Variants in THSD7A observed in about 807,000 individuals in gnomAD.
The protein encoded by THSD7A is thrombospondin type 1 domain containing 7A, also known as thrombospondin type-1 domain-containing protein 7A.
THSD7A carries 96 observed loss-of-function variants against 231.3 expected under a neutral mutation model. The observed-to-expected ratio is 0.41, with a 90% confidence interval of 0.35 to 0.49. The LOEUF (loss-of-function observed/expected upper bound fraction) is 0.49, where lower values mean the gene tolerates loss of function less well. Among genes scored for constraint, THSD7A ranks in the 20% least tolerant of loss-of-function variants. The pLI is 0.05. For missense variants in THSD7A, 2,290 were observed against 2,070.2 expected (o/e 1.11, Z -2.06); for synonymous variants, 940 against 743.3 (o/e 1.26, Z -4.30).
intron 1 of THSD7A, among the ~76,000 whole-genome samples, chr7:11,764,853 T>G (rs1782983765): frequency 6.6e-6 from 1 of 152,122 alleles, no homozygotes. Flanking sequence ...GTGAATTTTA[T>G]AATTCATTAA....
chr7:11,674,186 C>T (rs926520525), intron 1 of THSD7A, among the ~76,000 whole-genome samples: 3 of 151,954 alleles, frequency 2.0e-5, no homozygotes, highest in African/African-American at 7.2e-5. Context: ...AGCCTGGGTA[C>T]AGCTCTAGTC....
At chr7:11,721,042 T>A (rs1191077029) in intron 1 of THSD7A, among the ~76,000 whole-genome samples, 2 of 151,870 alleles carry the variant, frequency 1.3e-5, no homozygotes, top group Non-Finnish European at 2.9e-5. Flanking sequence ...ATTACACATA[T>A]GCCTCTCAGG....
At chr7:11,582,440 TTCA>T in intron 4 of THSD7A, among the ~76,000 whole-genome samples, 1 of 152,232 alleles carries the variant, frequency 6.6e-6, no homozygotes, top group African/African-American at 2.4e-5. Flanking sequence ...ATTATTTTTG[TTCA>T]TCAACTAAAT....
chr7:11,693,885 A>T (rs748272097), intron 1 of THSD7A, among the ~76,000 whole-genome samples: 2 of 151,624 alleles, frequency 1.3e-5, no homozygotes, highest in Non-Finnish European at 3.0e-5. Context: ...ACTAATTAGG[A>T]TATCTCTATT....
At chr7:11,508,399 G>A (rs1787648861) in intron 6 of THSD7A, among the ~76,000 whole-genome samples, 1 of 151,868 alleles carries the variant, frequency 6.6e-6, no homozygotes, top group African/African-American at 2.4e-5. Flanking sequence ...GAACAGCTAT[G>A]ATCAAAGGCA....
intron 5 of THSD7A, among the ~76,000 whole-genome samples, chr7:11,542,515 T>G (rs1480084395): frequency 6.6e-6 from 1 of 152,232 alleles, no homozygotes; most frequent in Non-Finnish European, 1.5e-5. Context: ...TATTGGGCAC[T>G]AGGTATGGGT....
intron 6 of THSD7A, among the ~76,000 whole-genome samples, chr7:11,524,155 T>G (rs1360258265): frequency 1.3e-5 from 2 of 152,176 alleles, no homozygotes; most frequent in Non-Finnish European, 2.9e-5. Flanking sequence ...CCACCTGTAT[T>G]TCTTCTTACA....
chr7:11,825,301 G>C (rs1321578759), intron 1 of THSD7A, among the ~76,000 whole-genome samples: 2 of 152,080 alleles, frequency 1.3e-5, no homozygotes, highest in African/African-American at 4.8e-5. Flanking sequence ...GTTCTAAGGT[G>C]AAAAACAGAG....
At chr7:11,542,840 A>T in intron 5 of THSD7A, 122 bp downstream of exon 5, 2 of 1,083,470 alleles carry the variant, frequency 1.8e-6, no homozygotes, top group Non-Finnish European at 2.6e-6. Flanking sequence ...TTTTGAAATT[A>T]ATAGTCTTTA....
rs567868959 is a variant in THSD7A at position 11,546,194 on chromosome 7, G to A, written c.1454-3077C>T. ...GTTGCTGCTCTGTTGTTGCTGGTGT[G>A]GGCGCGCGCTCACACACACACACAC... On this transcript the variant is annotated intron_variant, in intron 4 of 27. Coordinates refer to ENST00000423059, the MANE Select transcript of THSD7A (RefSeq NM_015204.3). Among the ~76,000 whole-genome samples, 29 of 61,266 alleles carry A rather than the reference G, an allele frequency of 4.7e-4. 1 individual carries two copies. In the East Asian group the frequency reaches 6.6e-3, roughly 14 times the overall value. The allele number at this position is 61,266 out of a possible 152,430, so 40.2% of individuals were successfully genotyped here. A position where few individuals can be genotyped will look rare whatever the true frequency, so the allele number is the denominator to read the frequency against.
At chr7:11,469,732 G>A (rs1471267764) in intron 9 of THSD7A, 147 bp downstream of exon 9, 1 of 555,978 alleles carries the variant, frequency 1.8e-6, no homozygotes, top group East Asian at 3.1e-5. Flanking sequence ...ATTTCCTAGA[G>A]GGAAACTAAC....
intron 15 of THSD7A, 90 bp downstream of exon 15, chr7:11,426,576 C>T: frequency 7.4e-7 from 1 of 1,344,598 alleles, no homozygotes; most frequent in East Asian, 2.6e-5. Flanking sequence ...ACATAAAAGA[C>T]AAAGCAAGAA....
chr7:11,469,158 G>A (rs989456416), intron 9 of THSD7A, among the ~76,000 whole-genome samples: 7 of 152,100 alleles, frequency 4.6e-5, no homozygotes, highest in African/African-American at 1.7e-4. Flanking sequence ...TATTTGTTGA[G>A]TAAGATAAGA....
intron 14 of THSD7A, among the ~76,000 whole-genome samples, chr7:11,428,064 T>G (rs1403683359): frequency 6.6e-6 from 1 of 152,164 alleles, no homozygotes; most frequent in African/African-American, 2.4e-5. Flanking sequence ...GTTATGTTAA[T>G]CTGGGAAGGA....
chr7:11,531,532 T>C (rs1202273262), intron 6 of THSD7A, among the ~76,000 whole-genome samples: 1 of 152,184 alleles, frequency 6.6e-6, no homozygotes, highest in Non-Finnish European at 1.5e-5. Flanking sequence ...AGTCCAAGCA[T>C]TTTCTACCTC....
At chr7:11,394,202 G>A (rs1172171216) in intron 23 of THSD7A, among the ~76,000 whole-genome samples, 1 of 152,202 alleles carries the variant, frequency 6.6e-6, no homozygotes, top group Non-Finnish European at 1.5e-5. Flanking sequence ...AAGAGATTGG[G>A]ATCCAATATT....
At chr7:11,690,719 C>G (rs1780206892) in intron 1 of THSD7A, among the ~76,000 whole-genome samples, 1 of 151,706 alleles carries the variant, frequency 6.6e-6, no homozygotes, top group Admixed American at 6.6e-5. Context: ...CGAATTTCCT[C>G]CTTGAGAAAA....
intron 6 of THSD7A, among the ~76,000 whole-genome samples, chr7:11,522,653 C>T (rs1249791764): frequency 1.3e-5 from 2 of 151,918 alleles, no homozygotes; most frequent in East Asian, 1.9e-4. Flanking sequence ...CAGTTTAATG[C>T]TAATTATTGA....
intron 1 of THSD7A, among the ~76,000 whole-genome samples, chr7:11,650,019 T>C (rs1562442480): frequency 6.6e-6 from 1 of 152,094 alleles, no homozygotes; most frequent in African/African-American, 2.4e-5. Context: ...TACTGCTGTA[T>C]ATTCGCTATT....
Sources: gnomAD v4.1 joint callset for allele counts (sites outside exome capture counted in the v4.1 genomes callset) on GRCh38, gnomAD v4.1.1 for gene constraint, MANE v1.5 for transcripts, NCBI Gene and HGNC (gene_info 2026-07-23, HGNC 2026-07-21) for gene names.